Variants in SAMD14 observed in about 807,000 individuals in gnomAD.
SAMD14 encodes sterile alpha motif domain-containing protein 14.
A neutral mutation model predicts 46.2 loss-of-function variants in SAMD14; 27 were observed. The ratio of observed to expected loss-of-function variants is 0.58; its 90% CI spans 0.43 to 0.81. SAMD14 has a LOEUF of 0.81. Among genes scored for constraint, SAMD14 ranks in the 30% least tolerant of loss-of-function variants. The pLI is 0.00. For synonymous variants in SAMD14, 241 were observed against 254.3 expected (o/e 0.95, Z 0.50); for missense variants, 559 against 582.2 (o/e 0.96, Z 0.41).
At chr17:50,124,763 G>GCGCACGCACA (rs57385248) in intron 2 of SAMD14, among the ~76,000 whole-genome samples, 154 bp downstream of exon 2, 3 of 106,692 alleles carry the variant, frequency 2.8e-5, no homozygotes, top group African/African-American at 9.8e-5. Context: ...ACGCGTGCAC[G>GCGCACGCACA]CGCGCGCGCA....
chr17:50,113,009 T>G lies in SAMD14; in HGVS notation c.1138A>C (p.Lys380Gln). The G allele has an allele frequency of 1.2e-6, 2 of 1,612,562 alleles. No individual in the cohort carries two copies. Among genetic ancestry groups the G allele is most frequent in the Non-Finnish European group, 1.7e-6 (2 of 1,179,970 alleles). The change falls in exon 10 of 10, where the codon AAG (lysine) becomes CAG (glutamine). Residue 380 changes from lysine (K) to glutamine (Q), a missense_variant. Transcript: ENST00000330175. The stretch of plus-strand genomic sequence containing the variant: ...GCTGCCATCTCCTTCAACTTGCGCT[T>G]CACCAGTGCCCGGTCATGAGAGTTG... ...LSNSHDRALV[K>Q]RKLKEMAAAA...
At chr17:50,122,215 GA>G (rs1416972849) in intron 2 of SAMD14, among the ~76,000 whole-genome samples, 3 of 152,176 alleles carry the variant, frequency 2.0e-5, no homozygotes, top group Non-Finnish European at 4.4e-5. Flanking sequence ...ATACGGTCGG[GA>G]TATGGTCGCC....
chr17:50,119,612 G>A (rs1039037590), intron 2 of SAMD14, among the ~76,000 whole-genome samples: 34 of 152,106 alleles, frequency 2.2e-4, no homozygotes, highest in Non-Finnish European at 4.1e-4. Flanking sequence ...AGACCCCAAG[G>A]TGTCTCAAGC....
rs2144397354 is a variant in SAMD14, at chr17:50,116,091, C to T, written c.500-1G>A. 3.1e-6 allele frequency: 5 copies of T among 1,612,876 alleles called. No homozygotes were observed. Among genetic ancestry groups the T allele is most frequent in the Non-Finnish European group, 4.2e-6 (5 of 1,179,220 alleles). ...GGAGGACTGGCGTCACGGCTGTCATCTTTCCAGGGAGAGAAGGAAGGAAAC... is the reference window on the plus strand; with the variant it reads ...GGAGGACTGGCGTCACGGCTGTCATTTTTCCAGGGAGAGAAGGAAGGAAAC... On this transcript the variant is annotated splice_acceptor_variant, in intron 4 of 9. Transcript: ENST00000330175. LOFTEE classifies it high-confidence loss of function.
At chr17:50,124,771 G>GCGCACACACACACACACACACA (rs71353620) in intron 2 of SAMD14, 146 bp downstream of exon 2, 1 of 500,056 alleles carries the variant, frequency 2.0e-6, no homozygotes, top group African/African-American at 2.1e-5. Context: ...ACGCGCGCGC[G>GCGCACACACACACACACACACA]CACACACACA....
chr17:50,117,428 G>T lies in SAMD14; in HGVS notation c.478C>A (p.Arg160Ser), dbSNP rs767427183. Residue 160 changes from arginine (R) to serine (S), a missense_variant, in exon 4 of 10, where the codon CGC becomes AGC. Coordinates refer to ENST00000330175, the MANE Select transcript of SAMD14 (RefSeq NM_001257359.2). Reference protein sequence around the residue: ...SSPSFVRRHPRAEPHSEDDSR... With the variant: ...SSPSFVRRHPSAEPHSEDDSR... ...TCACCTTCGCTGTGCGGCTCTGCGC[G>T]CGGGTGGCGGCGCACGAAGCTGGGG... is the stretch of plus-strand genomic sequence containing the variant. 1.7e-5 allele frequency: 23 copies of T among 1,340,648 alleles called. 1 individual carries two copies. In the African/African-American group the frequency reaches 2.4e-4, roughly 14 times the overall value. The allele number at this position is 1,340,648 out of a possible 1,614,324, so 83.0% of individuals were successfully genotyped here.
Position 50,115,771 on chromosome 17 carries a change from A to G in SAMD14, c.663-48T>C. ...GGGTGTGGGTACAGAGGGGAGGACCAGAGCACATGGGGAGCCAGGGGCGGG... is the reference window on the plus strand; with the variant it reads ...GGGTGTGGGTACAGAGGGGAGGACCGGAGCACATGGGGAGCCAGGGGCGGG... On this transcript the variant is annotated intron_variant, in intron 6 of 9. Coordinates refer to ENST00000330175, the MANE Select transcript of SAMD14 (RefSeq NM_001257359.2). This position sits in a 1 kb window ranked among gnomAD's most constrained non-coding sequence, Gnocchi z 5.3. 1.2e-6 allele frequency: 2 copies of G among 1,613,474 alleles called. No homozygotes were observed. The highest frequency in any genetic ancestry group is 2.2e-5 in the East Asian group (1 of 44,888).
chr17:50,114,701 C>G, intron 7 of SAMD14: 3 of 376,398 alleles, frequency 8.0e-6, no homozygotes, highest in Non-Finnish European at 1.4e-5. Flanking sequence ...CCTCACTGGA[C>G]TGTGAGCTCT....
In SAMD14 at chr17:50,113,051, G is replaced by A. The variant is rs766778867; in HGVS notation, c.1099-3C>T. On this transcript the variant is annotated splice_polypyrimidine_tract_variant and splice_region_variant and intron_variant, in intron 9 of 9. Coordinates refer to ENST00000330175, the MANE Select transcript of SAMD14 (RefSeq NM_001257359.2). ...TGAGAGTTGCTGAGCCCCAGGCTCT[G>A]GGGAGGAGTCCGGGGTGAGGGAGAG... The A allele has an allele frequency of 1.2e-5, 20 of 1,611,292 alleles. No homozygotes were observed. Among genetic ancestry groups the A allele is most frequent in the Non-Finnish European group, 1.6e-5 (19 of 1,179,950 alleles).
At chr17:50,122,302 C>G (rs965768888) in intron 2 of SAMD14, among the ~76,000 whole-genome samples, 2 of 152,182 alleles carry the variant, frequency 1.3e-5, no homozygotes. Flanking sequence ...ATCATGAGAG[C>G]CTGGTGTGGC....
In SAMD14 at chr17:50,115,523, G is replaced by C. The variant is rs771501135; in HGVS notation, c.822+41C>G. ...TGAAGTACGCCCTCATGTCACCTGA[G>C]ACTGGGGGCCAGTTTGGGGACAAGA... On this transcript the variant is annotated intron_variant, in intron 7 of 9. Coordinates refer to ENST00000330175, the MANE Select transcript of SAMD14 (RefSeq NM_001257359.2). The surrounding 1 kb of genome is among the most constrained non-coding windows in gnomAD (Gnocchi z 5.3). 2 of 1,509,564 alleles carry C rather than the reference G, an allele frequency of 1.3e-6. No individual in the cohort carries two copies. Among genetic ancestry groups the C allele is most frequent in the Non-Finnish European group, 1.8e-6 (2 of 1,127,496 alleles). 93.5% of individuals were successfully genotyped at this position (1,509,564 alleles called of 1,614,324 possible). A position where few individuals can be genotyped will look rare whatever the true frequency, so the allele number is the denominator to read the frequency against.
chr17:50,125,327 T>G, intron 1 of SAMD14: 1 of 228,312 alleles, frequency 4.4e-6, no homozygotes, highest in Non-Finnish European at 8.8e-6. Flanking sequence ...TAGCATCCCC[T>G]AAAAGCTTTC....
Position 50,122,784 on chromosome 17 carries a change from G to C in SAMD14, c.43+2133C>G, listed in dbSNP as rs934783201. 5.9e-5 allele frequency among the ~76,000 whole-genome samples: 9 copies of C among 152,280 alleles called. No homozygotes were observed. The East Asian group carries it at 1.7e-3, about 29-fold the overall frequency. ...AGAAGGAACAAAAAGAGCATTCTAA[G>C]GAGAGAGAATGGTGCAGCCTTGGGC... On this transcript the variant is annotated intron_variant, in intron 2 of 9. Transcript: ENST00000330175.
intron 3 of SAMD14, 154 bp from the exon 4 acceptor site, chr17:50,117,849 G>C: frequency 2.5e-6 from 2 of 806,966 alleles, no homozygotes; most frequent in Non-Finnish European, 3.6e-6. Flanking sequence ...TGGCTGGAGA[G>C]TGAGAGGTGG....
In SAMD14 at chr17:50,115,518, C is replaced by A. The variant is rs779433621; in HGVS notation, c.822+46G>T. The A allele has an allele frequency of 8.6e-6, 13 of 1,508,728 alleles. No individual in the cohort carries two copies. The highest frequency in any genetic ancestry group is 1.2e-5 in the Non-Finnish European group (13 of 1,127,104). 93.5% of individuals were successfully genotyped at this position (1,508,728 alleles called of 1,614,324 possible). On this transcript the variant is annotated intron_variant, in intron 7 of 9. Transcript: ENST00000330175. This position sits in a 1 kb window ranked among gnomAD's most constrained non-coding sequence, Gnocchi z 5.3. ...CAAGGTGAAGTACGCCCTCATGTCA[C>A]CTGAGACTGGGGGCCAGTTTGGGGA...
Position 50,117,653 on chromosome 17 carries a change from G to A in SAMD14, c.253C>T (p.Pro85Ser). ...CGSPLHRLRS[P>S]LHSGPGSPAG... The stretch of plus-strand genomic sequence containing the variant: ...GGGGACCCCGGGCCTGAGTGCAAAG[G>A]CGAGCGCAGCCGGTGCAGGGGGCTC... Residue 85 changes from proline to serine, a missense_variant, in exon 4 of 10, where the codon CCT (proline) becomes TCT (serine). By Grantham distance (74) the Pro-to-Ser change is moderately conservative. Coordinates refer to ENST00000330175, the MANE Select transcript of SAMD14 (RefSeq NM_001257359.2). 1.3e-6 allele frequency: 2 copies of A among 1,551,314 alleles called. No homozygotes were observed. Among genetic ancestry groups the A allele is most frequent in the Non-Finnish European group, 1.7e-6 (2 of 1,159,580 alleles).
rs139485764 is a variant in SAMD14, at chr17:50,127,587, G to A, written c.-13+1930C>T. On this transcript the variant is annotated intron_variant, in intron 1 of 9. Transcript: ENST00000330175. ...TTGCACTCCAGCCTGGGCAACAAGC[G>A]CAAAACTCTGTCTCAAAAAAAAAAA... is the stretch of plus-strand genomic sequence containing the variant. Among the ~76,000 whole-genome samples the A allele has an allele frequency of 9.8e-3, 1,468 of 150,542 alleles. 68 individuals are homozygous for A. Among genetic ancestry groups the A allele is most frequent in the Admixed American group, 0.072 (1,094 of 15,126 alleles).
At chr17:50,124,706 G>A (rs1282665804) in intron 2 of SAMD14, among the ~76,000 whole-genome samples, 1 of 151,820 alleles carries the variant, frequency 6.6e-6, no homozygotes, top group African/African-American at 2.4e-5. Context: ...TATAACTGGT[G>A]TGTCCACTAA....
rs961357116 is a variant in SAMD14, at chr17:50,117,527, T to G, written c.379A>C (p.Asn127His). 4 of 1,528,710 alleles carry G rather than the reference T, an allele frequency of 2.6e-6. No homozygotes were observed. The highest frequency in any genetic ancestry group is 1.2e-5 in the South Asian group (1 of 81,994). 94.7% of individuals were successfully genotyped at this position (1,528,710 alleles called of 1,614,324 possible). Reference sequence around the variant, plus strand: ...GCCAGGCCCTCGTGCGACGCAGCGTTGTGCAGGGGCCGGTAGCGTGTGAGC... The same window carrying G: ...GCCAGGCCCTCGTGCGACGCAGCGTGGTGCAGGGGCCGGTAGCGTGTGAGC... ...SPLTRYRPLH[N>H]AASHEGLAAA... The change falls in exon 4 of 10, where the codon AAC becomes CAC. Residue 127 changes from asparagine to histidine, a missense_variant. Coordinates refer to ENST00000330175, the MANE Select transcript of SAMD14 (RefSeq NM_001257359.2).
Sources: allele counts gnomAD v4.1 joint callset (sites outside exome capture counted in the v4.1 genomes callset), GRCh38; gene constraint gnomAD v4.1.1; non-coding constraint Gnocchi (gnomAD v3.1); transcripts MANE v1.5; gene names NCBI Gene and HGNC (gene_info 2026-07-23, HGNC 2026-07-21).